Variants in TENM2 observed in about 807,000 individuals in gnomAD.
The protein encoded by TENM2 is teneurin-2.
Under a neutral mutation model 245.2 loss-of-function variants are expected in TENM2, and 52 were observed. The observed-to-expected ratio is 0.21, with a 90% confidence interval of 0.17 to 0.27. TENM2 has a LOEUF of 0.27. TENM2 is among the 10% of genes least tolerant of loss of function. TENM2 has a pLI of 1.00. For synonymous variants in TENM2, 1,363 were observed against 1,438.9 expected, an observed-to-expected ratio of 0.95 and a Z score of 1.19; for missense variants, 3,046 against 3,666.8, an observed-to-expected ratio of 0.83 and a Z score of 4.37.
intron 5 of TENM2, among the ~76,000 whole-genome samples, chr5:168,042,130 T>G (rs1324288933): frequency 6.6e-6 from 1 of 152,146 alleles, no homozygotes; most frequent in Non-Finnish European, 1.5e-5. Flanking sequence ...GGTCTCTGAA[T>G]GAGCTCTGCC....
At chr5:167,245,241 A>G in the TENM2 span, among the ~76,000 whole-genome samples, 1 of 152,176 alleles carries the variant, frequency 6.6e-6, no homozygotes, top group Non-Finnish European at 1.5e-5. Flanking sequence ...GGCATTTCAC[A>G]CTTGGGCAAA....
chr5:167,099,515 G>A, the TENM2 span, among the ~76,000 whole-genome samples: 6 of 152,258 alleles, frequency 3.9e-5, no homozygotes, highest in Middle Eastern at 6.8e-3. Flanking sequence ...GACCAACATG[G>A]TGAAACCCTG....
chr5:167,494,172 T>C (rs1768627537), intron 2 of TENM2, among the ~76,000 whole-genome samples: 1 of 152,124 alleles, frequency 6.6e-6, no homozygotes, highest in Non-Finnish European at 1.5e-5. Flanking sequence ...GAGAGCATTC[T>C]CATGTGGAAC....
intron 2 of TENM2, among the ~76,000 whole-genome samples, chr5:167,854,144 G>A (rs1024078310): frequency 1.3e-5 from 2 of 152,072 alleles, no homozygotes; most frequent in African/African-American, 4.8e-5. Flanking sequence ...ATAAAAAGAT[G>A]CTGTATTAAT....
chr5:168,016,250 G>T (rs1040541488), intron 5 of TENM2, among the ~76,000 whole-genome samples: 1 of 152,184 alleles, frequency 6.6e-6, no homozygotes, highest in African/African-American at 2.4e-5. Flanking sequence ...AGGTTGTACA[G>T]ATAGGAACTG....
At chr5:168,022,820 T>A (rs891683212) in intron 5 of TENM2, among the ~76,000 whole-genome samples, 4 of 152,168 alleles carry the variant, frequency 2.6e-5, no homozygotes, top group Non-Finnish European at 5.9e-5. Flanking sequence ...GTCCAAATGG[T>A]TTTTTTACCC....
chr5:167,148,391 G>T, the TENM2 span, among the ~76,000 whole-genome samples: 38 of 152,128 alleles, frequency 2.5e-4, no homozygotes, highest in Admixed American at 2.5e-3. Context: ...ACTTGAGGTT[G>T]ACATTACATT....
At chr5:168,262,742 T>A (rs1406506351) in exon 29 of TENM2, 1 of 1,610,994 alleles carries the variant, frequency 6.2e-7, no homozygotes, top group South Asian at 1.1e-5. Flanking sequence ...CGTGGAGCAA[T>A]ACCCAGAGCT....
At chr5:167,771,479 T>C (rs760176385) in intron 2 of TENM2, among the ~76,000 whole-genome samples, 1 of 152,212 alleles carries the variant, frequency 6.6e-6, no homozygotes, top group Non-Finnish European at 1.5e-5. Flanking sequence ...AAATAGTAGA[T>C]TTAAATGTTT....
chr5:167,445,363 A>AGAGAGG (rs1765132718), intron 2 of TENM2, among the ~76,000 whole-genome samples: 1 of 139,690 alleles, frequency 7.2e-6, no homozygotes, highest in African/African-American at 2.7e-5. Flanking sequence ...AGAGAGAGAG[A>AGAGAGG]GAGAGAGTGT....
chr5:167,132,741 T>A, the TENM2 span, among the ~76,000 whole-genome samples: 1 of 152,200 alleles, frequency 6.6e-6, no homozygotes, highest in Non-Finnish European at 1.5e-5. Flanking sequence ...AAATATTATT[T>A]TAATAGTAAC....
intron 2 of TENM2, among the ~76,000 whole-genome samples, chr5:167,530,662 C>T (rs189346580): frequency 2.4e-4 from 37 of 152,316 alleles, no homozygotes; most frequent in Non-Finnish European, 4.3e-4. Context: ...TCGGCCCCTG[C>T]TCAAGAGTCC....
At chr5:167,376,583 G>A (rs566994757) in intron 2 of TENM2, among the ~76,000 whole-genome samples, 3 of 152,216 alleles carry the variant, frequency 2.0e-5, no homozygotes, top group South Asian at 4.1e-4. Flanking sequence ...TACTCAAAAA[G>A]ATGTCACTTT....
chr5:167,597,333 T>A (rs931063463), intron 2 of TENM2, among the ~76,000 whole-genome samples: 2 of 151,868 alleles, frequency 1.3e-5, no homozygotes, highest in African/African-American at 4.8e-5. Flanking sequence ...GCCTGGCTCA[T>A]TTTTTGTATT....
chr5:168,066,112 C>T (rs1790480026), intron 7 of TENM2, among the ~76,000 whole-genome samples: 1 of 152,186 alleles, frequency 6.6e-6, no homozygotes, highest in Non-Finnish European at 1.5e-5. Context: ...TTAGAAAACT[C>T]TGCTTCGCAT....
In TENM2 at chr5:167,466,682, A is replaced by G. The variant is rs150280766; in HGVS notation, c.502+91209A>G. ...TGACATTCAATATTCCAAAAATATT[A>G]TTTTTAATGGAAAATGATTTTTCCA... On this transcript the variant is annotated intron_variant, in intron 2 of 28. Coordinates refer to ENST00000518659, the Ensembl canonical transcript of TENM2. 4.9e-3 allele frequency among the ~76,000 whole-genome samples: 751 copies of G among 152,272 alleles called. 6 individuals are homozygous for G. The highest frequency in any genetic ancestry group is 0.017 in the African/African-American group (702 of 41,550).
At position 168,244,630 on chromosome 5, in the gene TENM2, G is replaced by C. The variant is rs748170763; in HGVS notation, c.5731G>C (p.Glu1911Gln). The change falls in exon 26 of 29, where the codon GAG becomes CAG. Residue 1911 changes from glutamate to glutamine, a missense_variant. By Grantham distance (29) the Glu-to-Gln change is conservative. Around this residue, in one of 2 missense-constraint regions of TENM2, gnomAD observed 2,704 missense variants for 3,331.9 expected, o/e 0.81. Coordinates refer to ENST00000518659, the Ensembl canonical transcript of TENM2. The surrounding 1 kb of genome is among the most constrained non-coding windows in gnomAD (Gnocchi z 4.9). ...TGGGCTTCAGCGTGGGGCCATGAGCGAGAGGACAGACATCGACAAGCAAGG... is the reference window on the plus strand; with the variant it reads ...TGGGCTTCAGCGTGGGGCCATGAGCCAGAGGACAGACATCGACAAGCAAGG... 6.3e-7 allele frequency: 1 copy of C among 1,583,996 alleles called. No individual in the cohort carries two copies. The highest frequency in any genetic ancestry group is 1.1e-5 in the South Asian group (1 of 87,798).
In TENM2 at chr5:167,821,903, C is replaced by T. The variant is rs377155505; in HGVS notation, c.503-54083C>T. ...TTTCATTCAGTAGTCTCAAAAGCCC[C>T]GCGTACTTCTCTCTGCTTGGACAAA... On this transcript the variant is annotated intron_variant, in intron 2 of 28. Coordinates refer to ENST00000518659, the Ensembl canonical transcript of TENM2. Among the ~76,000 whole-genome samples, 8 of 152,128 alleles carry T rather than the reference C, an allele frequency of 5.3e-5. No individual in the cohort carries two copies. The East Asian group carries it at 1.5e-3, about 29-fold the overall frequency.
At chr5:167,932,162 C>A (rs1300777845) in intron 3 of TENM2, among the ~76,000 whole-genome samples, 10 of 152,164 alleles carry the variant, frequency 6.6e-5, no homozygotes, top group Admixed American at 6.5e-4. Flanking sequence ...GGCTGCTTAG[C>A]AGCACACATC....
Sources: allele counts gnomAD v4.1 joint callset (sites outside exome capture counted in the v4.1 genomes callset), GRCh38; gene constraint gnomAD v4.1.1; regional missense constraint gnomAD v4.1.1; non-coding constraint Gnocchi (gnomAD v3.1); transcripts MANE v1.5; gene names NCBI Gene and HGNC (gene_info 2026-07-23, HGNC 2026-07-21).